ITFG1: variants seen among roughly 807,000 people sequenced by gnomAD.
ITFG1 encodes T-cell immunomodulatory protein.
A neutral mutation model predicts 81.8 loss-of-function variants in ITFG1; 34 were observed. That is an observed-to-expected ratio of 0.42 (90% CI 0.32 to 0.55). ITFG1 has a LOEUF of 0.55. Among genes scored for constraint, ITFG1 ranks in the 20% least tolerant of loss-of-function variants. The pLI is 0.17. For missense variants in ITFG1, 672 were observed against 755.4 expected (o/e 0.89, Z 1.29); for synonymous variants, 285 against 270.6 (o/e 1.05, Z -0.52).
intron 13 of ITFG1, among the ~76,000 whole-genome samples, chr16:47,223,298 AACCT>A (rs1188832650): frequency 6.6e-6 from 1 of 152,228 alleles, no homozygotes; most frequent in African/African-American, 2.4e-5. Context: ...GTGAACAGGC[AACCT>A]ACAAAATGGG....
At chr16:47,376,113 C>A (rs1208861187) in intron 6 of ITFG1, among the ~76,000 whole-genome samples, 173 bp from the exon 7 acceptor site, 1 of 151,812 alleles carries the variant, frequency 6.6e-6, no homozygotes, top group Non-Finnish European at 1.5e-5. Flanking sequence ...GATGACCCTG[C>A]ATTAAAGAAA....
chr16:47,424,886 T>G (rs7194819), intron 6 of ITFG1, among the ~76,000 whole-genome samples: 151,879 of 152,158 alleles, frequency 1, 75,800 homozygotes, highest in Middle Eastern at 1. Flanking sequence ...CAGGCTACAT[T>G]GGGGTCAGGG....
intron 6 of ITFG1, among the ~76,000 whole-genome samples, chr16:47,420,489 C>T (rs117592883): frequency 4.6e-5 from 7 of 152,104 alleles, no homozygotes; most frequent in Non-Finnish European, 1.0e-4. Flanking sequence ...TTAGAAAGCA[C>T]GTTGACATCT....
At chr16:47,303,926 G>C (rs942656964) in intron 10 of ITFG1, among the ~76,000 whole-genome samples, 2 of 152,028 alleles carry the variant, frequency 1.3e-5, no homozygotes, top group African/African-American at 4.8e-5. Context: ...CACCACACCT[G>C]GCCTGTTAAT....
chr16:47,326,971 C>T (rs1317701568), intron 8 of ITFG1, among the ~76,000 whole-genome samples: 1 of 152,180 alleles, frequency 6.6e-6, no homozygotes, highest in Non-Finnish European at 1.5e-5. Flanking sequence ...TTGGAAAAAA[C>T]TACTTTAAAG....
In ITFG1 at chr16:47,162,522, A is replaced by G; in HGVS notation, c.1578+18T>C. 6.3e-7 allele frequency: 1 copy of G among 1,579,110 alleles called. No individual in the cohort carries two copies. Among genetic ancestry groups the G allele is most frequent in the Non-Finnish European group, 8.6e-7 (1 of 1,158,960 alleles). On this transcript the variant is annotated intron_variant, in intron 15 of 17. Coordinates refer to ENST00000320640, the MANE Select transcript of ITFG1 (RefSeq NM_030790.5). ...TTAAAACATAGATTAATTGTAAACAAAATGAATTTTTACTCACTTTTTCTC... is the reference window on the plus strand; with the variant it reads ...TTAAAACATAGATTAATTGTAAACAGAATGAATTTTTACTCACTTTTTCTC...
At chr16:47,374,920 T>A (rs1406673466) in intron 7 of ITFG1, among the ~76,000 whole-genome samples, 1 of 152,204 alleles carries the variant, frequency 6.6e-6, no homozygotes, top group East Asian at 1.9e-4. Context: ...GGATGGCTGA[T>A]AATGAGTCTG....
intron 10 of ITFG1, among the ~76,000 whole-genome samples, chr16:47,265,798 C>T (rs908726796): frequency 1.3e-5 from 2 of 152,118 alleles, no homozygotes; most frequent in Non-Finnish European, 2.9e-5. Context: ...ACACAAACTA[C>T]AAGCCATACG....
At chr16:47,408,876 T>C (rs1446567599) in intron 6 of ITFG1, among the ~76,000 whole-genome samples, 1 of 152,220 alleles carries the variant, frequency 6.6e-6, no homozygotes, top group Non-Finnish European at 1.5e-5. Flanking sequence ...AGAGGTTTTG[T>C]TTATGTGATC....
At chr16:47,270,872 A>C (rs1286357592) in intron 10 of ITFG1, among the ~76,000 whole-genome samples, 3 of 151,762 alleles carry the variant, frequency 2.0e-5, no homozygotes, top group Non-Finnish European at 2.9e-5. Context: ...CTACAGCGAC[A>C]GAAAGCAGAT....
intron 7 of ITFG1, 53 bp from the exon 8 acceptor site, chr16:47,365,922 A>C (rs1968172050): frequency 1.0e-6 from 1 of 967,372 alleles, no homozygotes; most frequent in Admixed American, 1.8e-5. Context: ...CTCATTTGTT[A>C]AGTGTAAAAC....
At chr16:47,223,583 G>A (rs1965720409) in intron 13 of ITFG1, among the ~76,000 whole-genome samples, 1 of 152,150 alleles carries the variant, frequency 6.6e-6, no homozygotes, top group Non-Finnish European at 1.5e-5. Flanking sequence ...TGGAGAGGAT[G>A]TGGAGAAATA....
rs143688234 is a variant in ITFG1 at position 47,442,365 on chromosome 16, A to G, written c.560+9031T>C. ...CATATGGAACCAAAAAAGAGCCCACATTGCCAAGTCATATGGAACCAAAAA... is the reference window on the plus strand; with the variant it reads ...CATATGGAACCAAAAAAGAGCCCACGTTGCCAAGTCATATGGAACCAAAAA... On this transcript the variant is annotated intron_variant, in intron 5 of 17. Coordinates refer to ENST00000320640, the MANE Select transcript of ITFG1 (RefSeq NM_030790.5). Among the ~76,000 whole-genome samples the G allele has an allele frequency of 7.5e-3, 1,138 of 152,202 alleles. 18 individuals carry two copies. The highest frequency in any genetic ancestry group is 0.026 in the African/African-American group (1,079 of 41,514).
chr16:47,391,865 A>G (rs901844089), intron 6 of ITFG1, among the ~76,000 whole-genome samples: 2 of 152,226 alleles, frequency 1.3e-5, no homozygotes, highest in Non-Finnish European at 2.9e-5. Context: ...TTATTGGGAC[A>G]TATATGCATA....
intron 8 of ITFG1, among the ~76,000 whole-genome samples, chr16:47,351,598 G>T (rs1967955544): frequency 6.6e-6 from 1 of 152,196 alleles, no homozygotes; most frequent in Admixed American, 6.5e-5. Context: ...CATGCTCATG[G>T]ATAGGAAGAA....
intron 14 of ITFG1, among the ~76,000 whole-genome samples, chr16:47,186,279 A>T (rs932626476): frequency 5.9e-5 from 9 of 152,218 alleles, no homozygotes; most frequent in Non-Finnish European, 8.8e-5. Context: ...CATCATCCTG[A>T]CGCCAAAGCC....
intron 7 of ITFG1, 50 bp from the exon 8 acceptor site, chr16:47,365,919 G>A: frequency 1.0e-6 from 1 of 979,836 alleles, no homozygotes. Flanking sequence ...CCACTCATTT[G>A]TTAAGTGTAA....
intron 8 of ITFG1, among the ~76,000 whole-genome samples, chr16:47,339,634 C>A (rs1249243078): frequency 6.6e-6 from 1 of 151,938 alleles, no homozygotes; most frequent in Admixed American, 6.6e-5. Context: ...GCACAAGAAA[C>A]AGTGAACTTG....
chr16:47,329,012 C>T (rs558385595), intron 8 of ITFG1, among the ~76,000 whole-genome samples: 9 of 152,104 alleles, frequency 5.9e-5, no homozygotes, highest in Admixed American at 3.3e-4. Context: ...AGAACAGAAA[C>T]GTATTTAAAT....
Sources: allele counts gnomAD v4.1 joint callset (sites outside exome capture counted in the v4.1 genomes callset), GRCh38; gene constraint gnomAD v4.1.1; transcripts MANE v1.5; gene names NCBI Gene and HGNC (gene_info 2026-07-23, HGNC 2026-07-21).